Variants in FRY observed in about 807,000 individuals in gnomAD.
FRY encodes FRY microtubule binding protein.
FRY carries 128 observed loss-of-function variants against 348.4 expected under a neutral mutation model. That is an observed-to-expected ratio of 0.37 (90% CI 0.32 to 0.43). The LOEUF is 0.43. Ranked by LOEUF, FRY falls within the 20% of genes least tolerant of loss-of-function variation. FRY has a pLI of 1.00. For synonymous variants in FRY, 1,370 were observed against 1,374.7 expected (o/e 1.00, Z 0.08); for missense variants, 2,736 against 3,695.2 (o/e 0.74, Z 6.73).
At chr13:32,201,786 G>A (rs1374622814) in intron 29 of FRY, among the ~76,000 whole-genome samples, 155 bp from the exon 30 acceptor site, 1 of 152,078 alleles carries the variant, frequency 6.6e-6, no homozygotes, top group Non-Finnish European at 1.5e-5. Flanking sequence ...CTGATAAATA[G>A]CAAAAGAAGG....
chr13:32,198,948 G>C (rs1034513357), intron 29 of FRY, among the ~76,000 whole-genome samples: 2 of 152,110 alleles, frequency 1.3e-5, no homozygotes, highest in African/African-American at 4.8e-5. Flanking sequence ...CTAAAGAAAG[G>C]CCAGCACATT....
chr13:32,251,735 C>A (rs1397089442), intron 49 of FRY, 143 bp from the exon 50 acceptor site: 4 of 664,294 alleles, frequency 6.0e-6, no homozygotes, highest in African/African-American at 1.8e-5. Context: ...TATTTGTGTT[C>A]TTTTTTCATA....
At chr13:32,054,371 A>G (rs1214253534) in intron 1 of FRY, among the ~76,000 whole-genome samples, 3 of 152,036 alleles carry the variant, frequency 2.0e-5, no homozygotes, top group Non-Finnish European at 4.4e-5. Flanking sequence ...ATTTTTTTAC[A>G]TCTTGTCTTT....
At chr13:32,236,206 G>A in intron 43 of FRY, 34 bp downstream of exon 43, 2 of 1,400,774 alleles carry the variant, frequency 1.4e-6, no homozygotes, top group Non-Finnish European at 2.0e-6. Flanking sequence ...TTGACATCAA[G>A]TATACTGCAC....
chr13:32,268,506 ATAT>A (rs1266629565), intron 55 of FRY, among the ~76,000 whole-genome samples: 3,329 of 28,600 alleles, frequency 0.12, 92 homozygotes, highest in Non-Finnish European at 0.18. Flanking sequence ...AAAAAAAAAA[ATAT>A]ATATATATAT....
intron 2 of FRY, among the ~76,000 whole-genome samples, chr13:32,093,471 T>G (rs779188796): frequency 6.6e-6 from 1 of 152,206 alleles, no homozygotes; most frequent in Non-Finnish European, 1.5e-5. Flanking sequence ...TCAGTCTGGA[T>G]GTGGCTGATT....
At chr13:32,163,038 G>A (rs1424867595) in intron 17 of FRY, among the ~76,000 whole-genome samples, 1 of 152,152 alleles carries the variant, frequency 6.6e-6, no homozygotes, top group African/African-American at 2.4e-5. Context: ...AAGACTGTAA[G>A]GGTCATCCAT....
chr13:32,180,760 A>T (rs778364406), intron 23 of FRY, among the ~76,000 whole-genome samples: 8 of 152,208 alleles, frequency 5.3e-5, no homozygotes, highest in Non-Finnish European at 1.0e-4. Flanking sequence ...AAAATTTTCC[A>T]TGTAGATAGA....
rs188678404 is a variant in FRY, at chr13:32,260,257, G to A, written c.7417-1359G>A. ...CACTGAGCTCTCATCAGAAAAAGTT[G>A]TTTTATTTTATTCCAATGAACCATC... On this transcript the variant is annotated intron_variant, in intron 51 of 60. Transcript: ENST00000542859. 1.8e-3 allele frequency among the ~76,000 whole-genome samples: 271 copies of A among 152,256 alleles called. 2 individuals carry two copies. Among genetic ancestry groups the A allele is most frequent in the African/African-American group, 6.4e-3 (264 of 41,560 alleles).
chr13:32,077,091 G>A (rs1875125275), intron 1 of FRY, among the ~76,000 whole-genome samples: 1 of 152,108 alleles, frequency 6.6e-6, no homozygotes, highest in South Asian at 2.1e-4. Context: ...ATGGAAAGGA[G>A]CTGCAGAAAA....
chr13:32,294,452 T>A lies in FRY; in HGVS notation c.8665T>A (p.Ser2889Thr), dbSNP rs1889529201. The change falls in exon 60 of 61, where the codon TCA becomes ACA. Residue 2889 changes from serine to threonine, a missense_variant. This residue lies in a region of FRY where 157 missense variants were observed against 215.2 expected (regional missense o/e 0.73). Coordinates refer to ENST00000542859, the MANE Select transcript of FRY (RefSeq NM_023037.3). ...AGTCATTGCAGCTGACCCTCTCTAT[T>A]CAGACGGCGCGTGGTCCGAGCCCAC... ...SAVIAADPLY[S>T]DGAWSEPTFT... 2 of 1,614,002 alleles carry A rather than the reference T, an allele frequency of 1.2e-6. No homozygotes were observed. Among genetic ancestry groups the A allele is most frequent in the African/African-American group, 1.3e-5 (1 of 74,924 alleles).
intron 47 of FRY, among the ~76,000 whole-genome samples, chr13:32,246,856 G>A (rs1886836084): frequency 6.6e-6 from 1 of 152,210 alleles, no homozygotes; most frequent in African/African-American, 2.4e-5. Context: ...GACAAGAAGT[G>A]AGAAGAAAAG....
chr13:32,250,270 C>G (rs1480779102), intron 49 of FRY, among the ~76,000 whole-genome samples: 2 of 152,236 alleles, frequency 1.3e-5, no homozygotes, highest in Non-Finnish European at 2.9e-5. Flanking sequence ...ATTCAGGGGT[C>G]TTCTGTTGAC....
intron 3 of FRY, among the ~76,000 whole-genome samples, chr13:32,113,720 T>G (rs1878123197): frequency 1.3e-5 from 2 of 152,230 alleles, no homozygotes; most frequent in African/African-American, 4.8e-5. Context: ...TTGGCTCTGC[T>G]TCCCGTAAAT....
chr13:32,187,354 A>T (rs1883082440), intron 27 of FRY, among the ~76,000 whole-genome samples, 192 bp from the exon 28 acceptor site: 1 of 152,206 alleles, frequency 6.6e-6, no homozygotes, highest in African/African-American at 2.4e-5. Flanking sequence ...TTCTTATGAA[A>T]AGAGCCAAAT....
chr13:32,032,140 T>C (rs1164400385), intron 1 of FRY, among the ~76,000 whole-genome samples: 1 of 152,180 alleles, frequency 6.6e-6, no homozygotes, highest in African/African-American at 2.4e-5. Flanking sequence ...GTAGATTGTG[T>C]TTGATTAAAT....
At chr13:32,228,797 T>A (rs1285425470) in intron 40 of FRY, 143 bp downstream of exon 40, 1 of 750,910 alleles carries the variant, frequency 1.3e-6, no homozygotes, top group African/African-American at 1.7e-5. Flanking sequence ...TGCTGGAGTC[T>A]GTGTGAACAG....
chr13:32,131,096 G>A (rs1341552228), intron 7 of FRY, among the ~76,000 whole-genome samples: 1 of 152,112 alleles, frequency 6.6e-6, no homozygotes, highest in Non-Finnish European at 1.5e-5. Context: ...GATTACAGGC[G>A]AGCGCCACTG....
chr13:32,202,863 C>T (rs1393674554), intron 31 of FRY, among the ~76,000 whole-genome samples: 2 of 151,434 alleles, frequency 1.3e-5, no homozygotes, highest in African/African-American at 2.4e-5. Context: ...GCAGGAGAAT[C>T]GCTTGAACCC....
Sources: allele counts gnomAD v4.1 joint callset (sites outside exome capture counted in the v4.1 genomes callset), GRCh38; gene constraint gnomAD v4.1.1; regional missense constraint gnomAD v4.1.1; transcripts MANE v1.5; gene names NCBI Gene and HGNC (gene_info 2026-07-23, HGNC 2026-07-21).